The following FOXN2 variants were observed in gnomAD, a reference collection of about 807,000 sequenced individuals.
The protein encoded by FOXN2 is forkhead box N2.
Under a neutral mutation model 41.2 loss-of-function variants are expected in FOXN2, and 19 were observed. The observed-to-expected ratio is 0.46, with a 90% CI of 0.32 to 0.68. FOXN2 has a LOEUF of 0.68. Among genes scored for constraint, FOXN2 ranks in the 30% least tolerant of loss-of-function variants. The pLI, the probability that FOXN2 is intolerant of heterozygous loss-of-function variation, is 0.03. For missense variants in FOXN2, 587 were observed against 509.4 expected (o/e 1.15, Z -1.47); for synonymous variants, 195 against 176.8 (o/e 1.10, Z -0.82).
Position 48,373,312 on chromosome 2 carries a change from G to A in FOXN2, c.724G>A (p.Ala242Thr), listed in dbSNP as rs748593539. 1 of 1,592,802 alleles carries A rather than the reference G, an allele frequency of 6.3e-7. No homozygotes were observed. Among genetic ancestry groups the A allele is most frequent in the South Asian group, 1.1e-5 (1 of 88,154 alleles). Residue 242 changes from alanine to threonine, a missense_variant, in exon 6 of 7, where the codon GCT becomes ACT. Physicochemically the swap from Ala to Thr is moderately conservative, Grantham distance 58. Transcript: ENST00000340553. ...TTCAGAATCTGATATTGATGCTGCT[G>A]CTGCAATGATGCTTTTAAATACTTC... is the stretch of plus-strand genomic sequence containing the variant. ...NLKESDIDAA[A>T]AMMLLNTSIE... is the part of the protein sequence containing the mutation.
At chr2:48,345,466 T>G (rs147345138) in intron 2 of FOXN2, among the ~76,000 whole-genome samples, 31 of 152,198 alleles carry the variant, frequency 2.0e-4, no homozygotes, top group African/African-American at 7.0e-4. Context: ...AATGTATATT[T>G]CAAAATTCCT....
intron 1 of FOXN2, among the ~76,000 whole-genome samples, chr2:48,322,148 G>A (rs374700675): frequency 5.5e-4 from 84 of 152,152 alleles, no homozygotes; most frequent in African/African-American, 1.7e-3. Context: ...GGGTTTCACC[G>A]TGTTGGCCAG....
chr2:48,319,512 A>T (rs931979084), intron 1 of FOXN2, among the ~76,000 whole-genome samples: 1 of 152,074 alleles, frequency 6.6e-6, no homozygotes, highest in African/African-American at 2.4e-5. Flanking sequence ...TTAACTACAA[A>T]ACACTCTTAA....
At chr2:48,371,362 C>T (rs183077379) in intron 5 of FOXN2, among the ~76,000 whole-genome samples, 8 of 152,094 alleles carry the variant, frequency 5.3e-5, no homozygotes, top group Admixed American at 2.6e-4. Flanking sequence ...ACTCCTCTGC[C>T]TTCCAGCCTG....
intron 2 of FOXN2, among the ~76,000 whole-genome samples, chr2:48,338,922 A>G (rs375493870): frequency 3.4e-4 from 52 of 152,322 alleles, no homozygotes; most frequent in African/African-American, 1.1e-3. Context: ...GATTGAAAAG[A>G]CAAGTCATCT....
intron 1 of FOXN2, among the ~76,000 whole-genome samples, chr2:48,318,331 G>T (rs993782505): frequency 6.6e-6 from 1 of 152,094 alleles, no homozygotes; most frequent in Non-Finnish European, 1.5e-5. Flanking sequence ...ACAATTTTAA[G>T]AAGTGCTTGT....
At chr2:48,358,653 A>G (rs1246684076) in intron 3 of FOXN2, among the ~76,000 whole-genome samples, 3 of 152,260 alleles carry the variant, frequency 2.0e-5, no homozygotes, top group Non-Finnish European at 2.9e-5. Flanking sequence ...TAGCAATCAT[A>G]ATAGCTTATA....
chr2:48,338,151 C>CA (rs1466261489), intron 2 of FOXN2, among the ~76,000 whole-genome samples: 4 of 152,194 alleles, frequency 2.6e-5, no homozygotes, highest in South Asian at 2.1e-4. Flanking sequence ...ATAGGTAACA[C>CA]AAAAAAACTT....
At chr2:48,322,018 G>A (rs915094622) in intron 1 of FOXN2, among the ~76,000 whole-genome samples, 12 of 152,096 alleles carry the variant, frequency 7.9e-5, no homozygotes, top group Admixed American at 7.9e-4. Flanking sequence ...GCGTGATCTC[G>A]GCTTATTGCA....
chr2:48,346,840 A>C, intron 3 of FOXN2, 89 bp downstream of exon 3: 1 of 1,099,168 alleles, frequency 9.1e-7, no homozygotes. Flanking sequence ...CGGGGAGACA[A>C]TAAGTAGTCA....
intron 1 of FOXN2, among the ~76,000 whole-genome samples, chr2:48,316,003 C>CT (rs944228383): frequency 3.9e-5 from 6 of 152,124 alleles, no homozygotes; most frequent in Non-Finnish European, 5.9e-5. Context: ...TTTCTCCTAT[C>CT]TTTTTTCTGA....
In FOXN2 at chr2:48,346,266, G is replaced by T. The variant is rs1671093923; in HGVS notation, c.52G>T (p.Ala18Ser). 2 of 1,614,086 alleles carry T rather than the reference G, an allele frequency of 1.2e-6. No individual in the cohort carries two copies. Among genetic ancestry groups the T allele is most frequent in the South Asian group, 1.1e-5 (1 of 91,082 alleles). ...AGATAAGAGAGCTGAAACCCCAGGA[G>T]CTGAAAAGATTGCAGGATTAAGCCA... ...TPDKRAETPG[A>S]EKIAGLSQIY... Residue 18 changes from alanine (A) to serine (S), a missense_variant, in exon 3 of 7, where the codon GCT becomes TCT. Physicochemically the swap from Ala to Ser is moderately conservative, Grantham distance 99 (BLOSUM62 1). Coordinates refer to ENST00000340553, the MANE Select transcript of FOXN2 (RefSeq NM_002158.4).
chr2:48,369,841 A>C (rs944653533), intron 5 of FOXN2, among the ~76,000 whole-genome samples: 6 of 152,002 alleles, frequency 3.9e-5, no homozygotes, highest in African/African-American at 1.4e-4. Context: ...ACAAAAAATA[A>C]AAATAAAAAT....
intron 5 of FOXN2, among the ~76,000 whole-genome samples, chr2:48,372,349 C>T (rs1313493082): frequency 6.6e-6 from 1 of 152,054 alleles, no homozygotes; most frequent in Non-Finnish European, 1.5e-5. Context: ...TTATTATCTA[C>T]AATAACTTTT....
chr2:48,355,230 A>C (rs1403194896), intron 3 of FOXN2, among the ~76,000 whole-genome samples: 1 of 152,226 alleles, frequency 6.6e-6, no homozygotes, highest in African/African-American at 2.4e-5. Context: ...TACATTTTTA[A>C]TGTAATTAAT....
intron 2 of FOXN2, among the ~76,000 whole-genome samples, chr2:48,343,855 A>C (rs1670923804): frequency 6.6e-6 from 1 of 152,122 alleles, no homozygotes; most frequent in African/African-American, 2.4e-5. Context: ...GTAAGTAGAG[A>C]TGATGCATTT....
At chr2:48,353,808 C>G (rs1224584754) in intron 3 of FOXN2, among the ~76,000 whole-genome samples, 1 of 151,470 alleles carries the variant, frequency 6.6e-6, no homozygotes, top group Admixed American at 6.6e-5. Flanking sequence ...TCCCTTTATT[C>G]TTTTTCCTCT....
intron 3 of FOXN2, among the ~76,000 whole-genome samples, chr2:48,349,926 G>T (rs867212970): frequency 6.6e-6 from 1 of 152,208 alleles, no homozygotes; most frequent in African/African-American, 2.4e-5. Flanking sequence ...ATGTGAGCTA[G>T]CATGACAGCT....
At chr2:48,356,529 C>T (rs565790167) in intron 3 of FOXN2, among the ~76,000 whole-genome samples, 3 of 151,990 alleles carry the variant, frequency 2.0e-5, no homozygotes, top group East Asian at 3.8e-4. Flanking sequence ...GAGACTTTAG[C>T]TGGGAAACAT....
Sources: gnomAD v4.1 joint callset for allele counts (sites outside exome capture counted in the v4.1 genomes callset) on GRCh38, gnomAD v4.1.1 for gene constraint, MANE v1.5 for transcripts, NCBI Gene and HGNC (gene_info 2026-07-23, HGNC 2026-07-21) for gene names.